The following SPIDR variants were observed in gnomAD, a reference collection of about 807,000 sequenced individuals.
The protein encoded by SPIDR is DNA repair-scaffolding protein.
In SPIDR, 93 loss-of-function variants were observed where a neutral mutation model predicts 104.6. The observed-to-expected ratio is 0.89, with a 90% CI of 0.75 to 1.06. The LOEUF (loss-of-function observed/expected upper bound fraction) is 1.06. Among genes scored for constraint, SPIDR ranks in the 50% least tolerant of loss-of-function variants. The pLI is 0.00. For synonymous variants in SPIDR, 431 were observed against 416.9 expected, an observed-to-expected ratio of 1.03 and a Z score of -0.41; for missense variants, 1,154 against 1,111.2, an observed-to-expected ratio of 1.04 and a Z score of -0.55.
At chr8:47,586,481 C>G (rs1029645443) in intron 8 of SPIDR, among the ~76,000 whole-genome samples, 3 of 152,276 alleles carry the variant, frequency 2.0e-5, no homozygotes, top group African/African-American at 7.2e-5. Flanking sequence ...TTCTTAATGG[C>G]TAATGATGTA....
In SPIDR at chr8:47,613,494, T is replaced by C. The variant is rs1246693813; in HGVS notation, c.1544+14298T>C. On this transcript the variant is annotated intron_variant, in intron 10 of 19. Transcript: ENST00000297423. ...TTTTCTGTGGACATCTGTTTTCATT[T>C]CTCTTGGTGTAGATATGCTTAGGAG... Among the ~76,000 whole-genome samples the C allele has an allele frequency of 5.9e-5, 9 of 152,232 alleles. No homozygotes were observed. In the South Asian group the frequency reaches 1.9e-3, roughly 31 times the overall value.
intron 8 of SPIDR, among the ~76,000 whole-genome samples, chr8:47,489,407 T>C (rs1362657108): frequency 6.6e-6 from 1 of 152,148 alleles, no homozygotes; most frequent in Non-Finnish European, 1.5e-5. Flanking sequence ...GAATCAATAT[T>C]GGGAAAATGG....
chr8:47,306,098 T>TCACTTAG (rs1326442089), intron 5 of SPIDR, among the ~76,000 whole-genome samples: 3 of 152,206 alleles, frequency 2.0e-5, no homozygotes, highest in Non-Finnish European at 2.9e-5. Context: ...CTGGTTTATT[T>TCACTTAG]CACTTAGCAT....
chr8:47,646,652 G>C (rs1273278393), intron 10 of SPIDR, among the ~76,000 whole-genome samples: 1 of 152,186 alleles, frequency 6.6e-6, no homozygotes, highest in African/African-American at 2.4e-5. Flanking sequence ...TGAAGGAATG[G>C]TGGGATGCTT....
At chr8:47,406,969 A>G (rs2062844917) in intron 6 of SPIDR, among the ~76,000 whole-genome samples, 1 of 152,236 alleles carries the variant, frequency 6.6e-6, no homozygotes, top group South Asian at 2.1e-4. Flanking sequence ...AACTTATGAG[A>G]TAATACATTG....
chr8:47,505,734 C>G (rs947405026), intron 8 of SPIDR, among the ~76,000 whole-genome samples: 2 of 152,188 alleles, frequency 1.3e-5, no homozygotes, highest in Non-Finnish European at 2.9e-5. Context: ...TGGAGCTGTT[C>G]CTATTCGGTA....
At chr8:47,325,464 T>A (rs2047503793) in intron 5 of SPIDR, among the ~76,000 whole-genome samples, 1 of 152,234 alleles carries the variant, frequency 6.6e-6, no homozygotes, top group Non-Finnish European at 1.5e-5. Context: ...GGATAAGATT[T>A]GTTTCTCATG....
intron 15 of SPIDR, chr8:47,713,144 A>G (rs1166454404): frequency 1.3e-6 from 1 of 767,496 alleles, no homozygotes; most frequent in Non-Finnish European, 1.9e-6. Flanking sequence ...AACAAACCAA[A>G]AGCTAGAATA....
intron 5 of SPIDR, among the ~76,000 whole-genome samples, chr8:47,339,702 T>C (rs1554612452): frequency 6.8e-6 from 1 of 147,280 alleles, no homozygotes; most frequent in Admixed American, 6.9e-5. Context: ...TTTTTTGAGG[T>C]GGAGTCTCGC....
chr8:47,731,692 A>G (rs1257899639), intron 19 of SPIDR, among the ~76,000 whole-genome samples: 1 of 152,216 alleles, frequency 6.6e-6, no homozygotes, highest in East Asian at 1.9e-4. Context: ...AGTGTATAAC[A>G]GGCAACCGAC....
chr8:47,521,277 T>C (rs925527638), intron 8 of SPIDR, among the ~76,000 whole-genome samples: 1 of 152,176 alleles, frequency 6.6e-6, no homozygotes, highest in African/African-American at 2.4e-5. Flanking sequence ...TGTTTCACAT[T>C]TCTTCCTTTC....
chr8:47,479,668 G>GA (rs1377723463), intron 8 of SPIDR, among the ~76,000 whole-genome samples: 3 of 152,206 alleles, frequency 2.0e-5, no homozygotes, highest in Admixed American at 2.0e-4. Flanking sequence ...GGAGTGGCCT[G>GA]AAGCCAGCCT....
intron 7 of SPIDR, 38 bp from the exon 8 acceptor site, chr8:47,440,285 G>A (rs1554695535): frequency 6.4e-7 from 1 of 1,571,006 alleles, no homozygotes; most frequent in Non-Finnish European, 8.8e-7. Context: ...TCTGTCTTTT[G>A]ATTTCATTTT....
intron 8 of SPIDR, among the ~76,000 whole-genome samples, chr8:47,594,845 A>G (rs1360891574): frequency 1.3e-5 from 2 of 152,108 alleles, no homozygotes; most frequent in Non-Finnish European, 2.9e-5. Flanking sequence ...AAACTAAAAA[A>G]AAATACTGGG....
At chr8:47,494,836 G>A (rs1287544845) in intron 8 of SPIDR, among the ~76,000 whole-genome samples, 2 of 152,138 alleles carry the variant, frequency 1.3e-5, no homozygotes, top group Non-Finnish European at 1.5e-5. Flanking sequence ...TAGTTCTTAG[G>A]AGTGAAGTGA....
chr8:47,617,562 T>A (rs2064507392), intron 10 of SPIDR, among the ~76,000 whole-genome samples: 1 of 152,202 alleles, frequency 6.6e-6, no homozygotes, highest in Non-Finnish European at 1.5e-5. Context: ...TTCAGTGCTG[T>A]CAAATGGAAA....
chr8:47,541,792 G>A (rs1160106068), intron 8 of SPIDR, among the ~76,000 whole-genome samples: 2 of 151,976 alleles, frequency 1.3e-5, no homozygotes, highest in East Asian at 1.9e-4. Context: ...TCAGCTATTC[G>A]GGAGGCTGAG....
intron 8 of SPIDR, among the ~76,000 whole-genome samples, chr8:47,472,083 G>T (rs2075782696): frequency 6.6e-6 from 1 of 152,228 alleles, no homozygotes; most frequent in Middle Eastern, 3.4e-3. Context: ...CTTTAACCTT[G>T]CAGTAACCCT....
At chr8:47,422,149 C>G (rs868933121) in intron 7 of SPIDR, among the ~76,000 whole-genome samples, 3 of 152,198 alleles carry the variant, frequency 2.0e-5, no homozygotes, top group African/African-American at 7.2e-5. Flanking sequence ...CAGACAGGGA[C>G]TTTTGAGTCA....
Sources: gnomAD v4.1 joint callset for allele counts (sites outside exome capture counted in the v4.1 genomes callset) on GRCh38, gnomAD v4.1.1 for gene constraint, MANE v1.5 for transcripts, NCBI Gene and HGNC (gene_info 2026-07-23, HGNC 2026-07-21) for gene names.